MSI2: variants seen among roughly 807,000 people sequenced by gnomAD.
MSI2 encodes RNA-binding protein Musashi homolog 2.
Under a neutral mutation model 45.6 loss-of-function variants are expected in MSI2, and 17 were observed. The ratio of observed to expected loss-of-function variants is 0.37; its 90% CI spans 0.26 to 0.56. The LOEUF (loss-of-function observed/expected upper bound fraction) is 0.56, where lower values mean the gene tolerates loss of function less well. Among genes scored for constraint, MSI2 ranks in the 20% least tolerant of loss-of-function variants. MSI2 has a pLI of 0.77. For missense variants in MSI2, 293 were observed against 444.2 expected, an observed-to-expected ratio of 0.66 and a Z score of 3.06; for synonymous variants, 156 against 158.2, an observed-to-expected ratio of 0.99 and a Z score of 0.11.
intron 6 of MSI2, among the ~76,000 whole-genome samples, chr17:57,473,327 T>C (rs1286334616): frequency 6.6e-6 from 1 of 152,166 alleles, no homozygotes; most frequent in Admixed American, 6.5e-5. Context: ...TGAGTATGTG[T>C]GCATAGGTCC....
chr17:57,446,098 C>T (rs978085366), intron 6 of MSI2, among the ~76,000 whole-genome samples: 7 of 152,094 alleles, frequency 4.6e-5, no homozygotes, highest in East Asian at 1.9e-4. Flanking sequence ...TGATACCGAT[C>T]GGTGCAGAGG....
intron 10 of MSI2, among the ~76,000 whole-genome samples, chr17:57,645,013 G>C (rs77045702): frequency 2.5e-3 from 373 of 152,234 alleles, no homozygotes; most frequent in Non-Finnish European, 4.5e-3. Flanking sequence ...GCAAAGAAAA[G>C]GGTTCATGAC....
At chr17:57,311,152 C>A (rs1011748689) in intron 5 of MSI2, among the ~76,000 whole-genome samples, 1 of 152,174 alleles carries the variant, frequency 6.6e-6, no homozygotes, top group African/African-American at 2.4e-5. Flanking sequence ...TCGGGTCCAT[C>A]CCACTGGTGG....
In MSI2 at chr17:57,513,700, C is replaced by A. The variant is rs184187458; in HGVS notation, c.406-15976C>A. 5.4e-4 allele frequency among the ~76,000 whole-genome samples: 83 copies of A among 152,304 alleles called. 1 individual carries two copies. In the East Asian group the frequency reaches 0.011, roughly 20 times the overall value. ...TGCAGTCCCTCAGGGAGCCTCACCC[C>A]CCTCCCGGGCTCTCAAACCCTCTGG... On this transcript the variant is annotated intron_variant, in intron 6 of 13. Transcript: ENST00000284073.
intron 6 of MSI2, among the ~76,000 whole-genome samples, chr17:57,430,915 C>T (rs563300901): frequency 1.2e-4 from 18 of 152,328 alleles, no homozygotes; most frequent in African/African-American, 3.6e-4. Flanking sequence ...CTGTCCTGCC[C>T]GCCTCTTCTT....
chr17:57,305,520 T>C (rs981577318), intron 5 of MSI2, among the ~76,000 whole-genome samples: 1 of 152,182 alleles, frequency 6.6e-6, no homozygotes. Flanking sequence ...ACTTGGGCAA[T>C]GTAGTCAAAA....
chr17:57,655,441 G>A (rs368898169), intron 11 of MSI2, among the ~76,000 whole-genome samples: 161 of 152,268 alleles, frequency 1.1e-3, no homozygotes, highest in African/African-American at 3.8e-3. Context: ...GACATTATGG[G>A]TGGGTCCGTG....
intron 6 of MSI2, among the ~76,000 whole-genome samples, chr17:57,436,779 T>C: frequency 6.6e-6 from 1 of 152,166 alleles, no homozygotes; most frequent in East Asian, 1.9e-4. Flanking sequence ...GTTTTAGAAT[T>C]GGAGGGACTG....
chr17:57,532,964 G>C (rs990473693), intron 7 of MSI2, among the ~76,000 whole-genome samples: 5 of 152,214 alleles, frequency 3.3e-5, no homozygotes, highest in Admixed American at 1.3e-4. Context: ...GACATGAGCT[G>C]TGTGACATTT....
chr17:57,513,193 C>T (rs1329055112), intron 6 of MSI2, among the ~76,000 whole-genome samples: 1 of 152,026 alleles, frequency 6.6e-6, no homozygotes, highest in African/African-American at 2.4e-5. Context: ...AGGCTGGTCT[C>T]AAACTCCTGA....
chr17:57,652,474 G>A lies in MSI2; in HGVS notation c.790+313G>A, dbSNP rs188349304. On this transcript the variant is annotated intron_variant, in intron 11 of 13. Transcript: ENST00000284073. The surrounding 1 kb of genome is among the most constrained non-coding windows in gnomAD (Gnocchi z 4.1). Reference sequence around the variant, plus strand: ...ATCCCGTCACCTGACAGCTAGCTTCGGGTACCTGTGGTCATTTCCCTCCTT... The same window carrying A: ...ATCCCGTCACCTGACAGCTAGCTTCAGGTACCTGTGGTCATTTCCCTCCTT... Among the ~76,000 whole-genome samples, 182 of 151,934 alleles carry A rather than the reference G, an allele frequency of 1.2e-3. No individual in the cohort carries two copies. Among genetic ancestry groups the A allele is most frequent in the Non-Finnish European group, 3.4e-4 (23 of 67,962 alleles).
chr17:57,445,939 A>G (rs749531823), intron 6 of MSI2, among the ~76,000 whole-genome samples: 2 of 152,196 alleles, frequency 1.3e-5, no homozygotes, highest in Non-Finnish European at 2.9e-5. Flanking sequence ...ACAAATGTTT[A>G]GGAATGCCCT....
intron 5 of MSI2, among the ~76,000 whole-genome samples, chr17:57,295,629 C>T (rs1021660088): frequency 2.6e-5 from 4 of 152,130 alleles, no homozygotes; most frequent in African/African-American, 9.7e-5. Context: ...TCTTTAAACT[C>T]CGTTTTTCTT....
intron 6 of MSI2, among the ~76,000 whole-genome samples, chr17:57,506,871 A>C (rs1365237419): frequency 1.3e-5 from 2 of 152,152 alleles, no homozygotes; most frequent in African/African-American, 4.8e-5. Flanking sequence ...GATTTCTGAC[A>C]GCTAGGAAAT....
intron 7 of MSI2, among the ~76,000 whole-genome samples, chr17:57,589,033 T>C (rs1305618901): frequency 6.6e-6 from 1 of 152,168 alleles, no homozygotes; most frequent in African/African-American, 2.4e-5. Flanking sequence ...ATTATTAGAA[T>C]GTGGACTGAT....
rs115184917 is a variant in MSI2 at position 57,429,471 on chromosome 17, G to A, written c.405+28000G>A. ...CTGCCTGGATGTTTTTGGAGCTTCC[G>A]TCTACTCATTCAGCATCCAGGGAGG... On this transcript the variant is annotated intron_variant, in intron 6 of 13. Coordinates refer to ENST00000284073, the MANE Select transcript of MSI2 (RefSeq NM_138962.4). Among the ~76,000 whole-genome samples the A allele has an allele frequency of 3.1e-3, 468 of 152,266 alleles. 3 individuals are homozygous for A. Among genetic ancestry groups the A allele is most frequent in the African/African-American group, 0.011 (440 of 41,546 alleles).
rs1235238215 is a variant in MSI2 at position 57,596,593 on chromosome 17, A to T, written c.455-275A>T. Among the ~76,000 whole-genome samples the T allele has an allele frequency of 6.6e-6, 1 of 152,228 alleles. No individual in the cohort carries two copies. Among genetic ancestry groups the T allele is most frequent in the Non-Finnish European group, 1.5e-5 (1 of 68,036 alleles). The stretch of plus-strand genomic sequence containing the variant: ...GGGCTCTGACCCTTGTAAATAACAG[A>T]CAAGTAAATTTCTTGTTTGCTTCGG... On this transcript the variant is annotated intron_variant, in intron 7 of 13. Transcript: ENST00000284073. The surrounding 1 kb of genome is among the most constrained non-coding windows in gnomAD (Gnocchi z 4.6).
chr17:57,307,835 C>T (rs980111585), intron 5 of MSI2, among the ~76,000 whole-genome samples: 10 of 152,228 alleles, frequency 6.6e-5, no homozygotes, highest in South Asian at 2.1e-4. Context: ...CCTGTTGATT[C>T]GATGTCTCTG....
intron 5 of MSI2, among the ~76,000 whole-genome samples, chr17:57,372,890 G>A (rs971642802): frequency 6.6e-6 from 1 of 152,018 alleles, no homozygotes; most frequent in East Asian, 1.9e-4. Context: ...GGGATCGATC[G>A]TATTGATTAA....
Sources: allele counts gnomAD v4.1 joint callset (sites outside exome capture counted in the v4.1 genomes callset), GRCh38; gene constraint gnomAD v4.1.1; non-coding constraint Gnocchi (gnomAD v3.1); transcripts MANE v1.5; gene names NCBI Gene and HGNC (gene_info 2026-07-23, HGNC 2026-07-21).